The following MED1 variants were observed in gnomAD, a reference collection of about 807,000 sequenced individuals.
MED1 encodes the protein mediator of RNA polymerase II transcription subunit 1.
Under a neutral mutation model 121.3 loss-of-function variants are expected in MED1, and 17 were observed. The ratio of observed to expected loss-of-function variants is 0.14; its 90% CI spans 0.10 to 0.21. MED1 has a LOEUF of 0.21. Ranked by LOEUF, MED1 falls within the 10% of genes least tolerant of loss-of-function variation. The probability of loss-of-function intolerance (pLI) is 1.00; values close to 1 mark genes in which losing one functional copy is unlikely to be tolerated. For synonymous variants in MED1, 661 were observed against 694.4 expected, an observed-to-expected ratio of 0.95 and a Z score of 0.76; for missense variants, 1,558 against 1,919.4, an observed-to-expected ratio of 0.81 and a Z score of 3.52.
chr17:39,411,494 C>T (rs1842669581), intron 16 of MED1, among the ~76,000 whole-genome samples: 2 of 151,424 alleles, frequency 1.3e-5, no homozygotes, highest in Admixed American at 1.3e-4. Context: ...TGGCGGTGCA[C>T]AGCTGTAATC....
intron 6 of MED1, 89 bp downstream of exon 6, chr17:39,439,076 G>T: frequency 8.6e-7 from 1 of 1,168,588 alleles, no homozygotes; most frequent in Non-Finnish European, 1.2e-6. Flanking sequence ...TTGTTCCTGA[G>T]GAGAATAACT....
chr17:39,408,358 C>T lies in MED1; in HGVS notation c.3863G>A (p.Gly1288Glu). ...GCTGGGAGATTTTCCTTTAGAACTC[C>T]CATGCTGGTTCTGAGAGGATGACAT... ...SSMSSSQNQH[G>E]SSKGKSPSRN... is the part of the protein sequence containing the mutation. Residue 1288 changes from glycine (G) to glutamate (E), a missense_variant, in exon 17 of 17, where the codon GGG (glycine) becomes GAG (glutamate). Gly to Glu is a moderately conservative substitution (Grantham distance 98). This residue lies in a region of MED1 where 793 missense variants were observed against 898.2 expected (regional missense o/e 0.88). Coordinates refer to ENST00000300651, the MANE Select transcript of MED1 (RefSeq NM_004774.4). This position sits in a 1 kb window ranked among gnomAD's most constrained non-coding sequence, Gnocchi z 4.7. 6.2e-7 allele frequency: 1 copy of T among 1,614,158 alleles called. No individual in the cohort carries two copies. Among genetic ancestry groups the T allele is most frequent in the Non-Finnish European group, 8.5e-7 (1 of 1,180,032 alleles).
intron 16 of MED1, among the ~76,000 whole-genome samples, chr17:39,411,994 A>C (rs1329984797): frequency 7.1e-6 from 1 of 140,792 alleles, no homozygotes; most frequent in Non-Finnish European, 1.6e-5. Context: ...GTGACAGTAC[A>C]AGACTCCATC....
intron 13 of MED1, among the ~76,000 whole-genome samples, chr17:39,421,087 C>G (rs892985853): frequency 2.0e-5 from 3 of 151,170 alleles, no homozygotes; most frequent in African/African-American, 7.3e-5. Flanking sequence ...TGAGCCACCG[C>G]TCCCGGCCAC....
At chr17:39,448,641 G>C (rs1682509893) in intron 1 of MED1, among the ~76,000 whole-genome samples, 1 of 152,124 alleles carries the variant, frequency 6.6e-6, no homozygotes, top group Admixed American at 6.6e-5. Context: ...TGGGCGGAGT[G>C]GCTCACGCCT....
intron 10 of MED1, among the ~76,000 whole-genome samples, chr17:39,426,866 G>T (rs2048519915): frequency 6.6e-6 from 1 of 151,606 alleles, no homozygotes; most frequent in South Asian, 2.1e-4. Context: ...TTGTATCAAG[G>T]GCAAACAGAA....
At chr17:39,431,483 T>C (rs2048564662) in intron 8 of MED1, among the ~76,000 whole-genome samples, 2 of 152,116 alleles carry the variant, frequency 1.3e-5, no homozygotes. Flanking sequence ...TTCACCATAT[T>C]GGGCAGGCTG....
chr17:39,440,534 C>T lies in MED1; in HGVS notation c.267-16G>A. On this transcript the variant is annotated splice_polypyrimidine_tract_variant and intron_variant, in intron 4 of 16. Transcript: ENST00000300651. This position sits in a 1 kb window ranked among gnomAD's most constrained non-coding sequence, Gnocchi z 4.1. The stretch of plus-strand genomic sequence containing the variant: ...AGAGCCCAGTCTAGCAGGAACAAAT[C>T]AAAACAAAAATTAATAGAAGACACA... 6.2e-7 allele frequency: 1 copy of T among 1,611,616 alleles called. No homozygotes were observed. The highest frequency in any genetic ancestry group is 8.5e-7 in the Non-Finnish European group (1 of 1,179,526).
intron 2 of MED1, among the ~76,000 whole-genome samples, chr17:39,446,635 G>C (rs971963257): frequency 6.7e-6 from 1 of 149,786 alleles, no homozygotes; most frequent in Admixed American, 6.7e-5. Flanking sequence ...TTAGCCAGGC[G>C]TGGTGGCGTG....
Position 39,407,130 on chromosome 17 carries a change from A to C in MED1, c.*345T>G. The C allele has an allele frequency of 3.0e-6, 3 of 1,006,526 alleles. No homozygotes were observed. The highest frequency in any genetic ancestry group is 2.4e-6 in the Non-Finnish European group (2 of 843,646). The allele number at this position is 1,006,526 out of a possible 1,614,324, so 62.3% of individuals were successfully genotyped here. ...GTTTAAAACATGGCCTAAAAATGGAAAAAGGGAGAAGAAAATATATATGAA... is the reference window on the plus strand; with the variant it reads ...GTTTAAAACATGGCCTAAAAATGGACAAAGGGAGAAGAAAATATATATGAA... On this transcript the variant is annotated 3_prime_UTR_variant, in exon 17 of 17. Transcript: ENST00000300651.
chr17:39,406,691 C>G lies in MED1; in HGVS notation c.*784G>C. On this transcript the variant is annotated 3_prime_UTR_variant, in exon 17 of 17. Coordinates refer to ENST00000300651, the MANE Select transcript of MED1 (RefSeq NM_004774.4). ...AAATAAAAATATCATTTTGGTTTTT[C>G]TATTATATTTAACTCTAAAGGCGGG... The G allele has an allele frequency of 2.0e-6, 2 of 984,296 alleles. No individual in the cohort carries two copies. The highest frequency in any genetic ancestry group is 3.5e-5 in the African/African-American group (2 of 56,932). The allele number at this position is 984,296 out of a possible 1,614,324, so 61.0% of individuals were successfully genotyped here. A position where few individuals can be genotyped will look rare whatever the true frequency, so the allele number is the denominator to read the frequency against.
rs150917872 is a variant in MED1 at position 39,426,403 on chromosome 17, C to T, written c.739+1298G>A. ...TGTAGGTTGCAGTGAGCTGAGATCG[C>T]ACTACTGCACTCCAGCCTGGGTGAC... On this transcript the variant is annotated intron_variant, in intron 10 of 16. Transcript: ENST00000300651. 6.3e-3 allele frequency among the ~76,000 whole-genome samples: 957 copies of T among 151,946 alleles called. 15 individuals carry two copies. The highest frequency in any genetic ancestry group is 0.022 in the African/African-American group (915 of 41,410).
chr17:39,404,903 A>T lies in MED1; in HGVS notation c.*2572T>A. On this transcript the variant is annotated 3_prime_UTR_variant, in exon 17 of 17. Transcript: ENST00000300651. ...CCCGCTAAAATACTTCTGTTTTAAGACACATTGATATTGAACCTGAAATCT... is the reference window on the plus strand; with the variant it reads ...CCCGCTAAAATACTTCTGTTTTAAGTCACATTGATATTGAACCTGAAATCT... 1 of 126,052 alleles carries T rather than the reference A, an allele frequency of 7.9e-6. No homozygotes were observed. The highest frequency in any genetic ancestry group is 1.6e-5 in the Non-Finnish European group (1 of 64,066). 7.8% of individuals were successfully genotyped at this position (126,052 alleles called of 1,614,324 possible).
Position 39,407,305 on chromosome 17 carries a change from A to G in MED1, c.*170T>C. On this transcript the variant is annotated 3_prime_UTR_variant, in exon 17 of 17. Transcript: ENST00000300651. ...AGAATCAAACCCTGTGGTTTCTTTA[A>G]TAGGGTCTGGATATGCCTTTCTAAT... is the stretch of plus-strand genomic sequence containing the variant. The G allele has an allele frequency of 1.6e-6, 2 of 1,277,860 alleles. No homozygotes were observed. The highest frequency in any genetic ancestry group is 1.5e-5 in the African/African-American group (1 of 65,310). 79.2% of individuals were successfully genotyped at this position (1,277,860 alleles called of 1,614,324 possible). A position where few individuals can be genotyped will look rare whatever the true frequency, so the allele number is the denominator to read the frequency against.
chr17:39,415,814 CAAAA>C (rs61614470), intron 14 of MED1, among the ~76,000 whole-genome samples: 1 of 40,634 alleles, frequency 2.5e-5, no homozygotes, highest in Non-Finnish European at 4.2e-5. Flanking sequence ...GACTCCATCT[CAAAA>C]AAAAAAAAAA....
chr17:39,419,558 C>T (rs2144731210), intron 14 of MED1, among the ~76,000 whole-genome samples, 159 bp downstream of exon 14: 1 of 152,012 alleles, frequency 6.6e-6, no homozygotes, highest in Non-Finnish European at 1.5e-5. Flanking sequence ...CAGTCGTGCA[C>T]CACCACGTGC....
chr17:39,429,918 T>C (rs1245987948), intron 9 of MED1, among the ~76,000 whole-genome samples: 1 of 151,798 alleles, frequency 6.6e-6, no homozygotes, highest in Non-Finnish European at 1.5e-5. Context: ...ACCATGTCTC[T>C]ATAAAACAAC....
In MED1 at chr17:39,405,521, G is replaced by C. The variant is rs1055001387; in HGVS notation, c.*1954C>G. On this transcript the variant is annotated 3_prime_UTR_variant, in exon 17 of 17. Coordinates refer to ENST00000300651, the MANE Select transcript of MED1 (RefSeq NM_004774.4). ...ATTCAAAACTAGGTGACAAACTCAT[G>C]AGAAATCCAACCTGGCTGAATGTCT... 7.3e-7 allele frequency: 1 copy of C among 1,378,754 alleles called. No individual in the cohort carries two copies. Among genetic ancestry groups the C allele is most frequent in the Admixed American group, 3.0e-5 (1 of 33,302 alleles). 85.4% of individuals were successfully genotyped at this position (1,378,754 alleles called of 1,614,324 possible).
At chr17:39,437,131 C>G (rs1461560334) in intron 6 of MED1, among the ~76,000 whole-genome samples, 1 of 152,146 alleles carries the variant, frequency 6.6e-6, no homozygotes, top group Non-Finnish European at 1.5e-5. Context: ...GGGGTTTCTC[C>G]GTGTTGGTCA....
Sources: allele counts gnomAD v4.1 joint callset (sites outside exome capture counted in the v4.1 genomes callset), GRCh38; gene constraint gnomAD v4.1.1; regional missense constraint gnomAD v4.1.1; non-coding constraint Gnocchi (gnomAD v3.1); transcripts MANE v1.5; gene names NCBI Gene and HGNC (gene_info 2026-07-23, HGNC 2026-07-21).